UTS2: variants seen among roughly 807,000 people sequenced by gnomAD.
UTS2 encodes urotensin 2, also known as urotensin-2.
UTS2 carries 10 observed loss-of-function variants against 12.6 expected under a neutral mutation model. That is an observed-to-expected ratio of 0.80 (90% CI 0.49 to 1.35). UTS2 has a LOEUF of 1.35. UTS2 is among the 40% of genes most tolerant of loss of function. UTS2 has a pLI of 0.00. For missense variants in UTS2, 142 were observed against 143.2 expected (o/e 0.99, Z 0.04); for synonymous variants, 52 against 50.0 (o/e 1.04, Z -0.17).
chr1:7,869,650 T>C, the UTS2 span, among the ~76,000 whole-genome samples: 1 of 152,206 alleles, frequency 6.6e-6, no homozygotes, highest in Non-Finnish European at 1.5e-5. Flanking sequence ...CAAAGAAGAA[T>C]GGGCTGCCAA....
At chr1:7,912,451 CT>C in the UTS2 span, among the ~76,000 whole-genome samples, 1 of 121,426 alleles carries the variant, frequency 8.2e-6, no homozygotes, top group African/African-American at 2.7e-5. Flanking sequence ...GCAAATCCCC[CT>C]TTTCTTGTTG....
At chr1:7,911,438 A>G in the UTS2 span, among the ~76,000 whole-genome samples, 21 of 152,146 alleles carry the variant, frequency 1.4e-4, no homozygotes, top group Admixed American at 5.9e-4. Context: ...TTATTCTTTG[A>G]AACAGCCCCA....
At chr1:7,872,321 G>A in the UTS2 span, among the ~76,000 whole-genome samples, 213 of 85,666 alleles carry the variant, frequency 2.5e-3, 1 homozygote, top group Middle Eastern at 6.0e-3. Flanking sequence ...AAAAAAAAAG[G>A]AAAAGAAAAA....
chr1:7,908,314 AAGTT>A, the UTS2 span, among the ~76,000 whole-genome samples: 3 of 147,744 alleles, frequency 2.0e-5, no homozygotes, highest in Admixed American at 7.0e-5. Flanking sequence ...AAAAAAAAAA[AAGTT>A]AGCCAGGTGT....
chr1:7,902,949 G>A, the UTS2 span, among the ~76,000 whole-genome samples: 2 of 151,876 alleles, frequency 1.3e-5, no homozygotes, highest in African/African-American at 4.8e-5. Flanking sequence ...CCCTCTTGTG[G>A]TAGAGCGTTT....
the UTS2 span, among the ~76,000 whole-genome samples, chr1:7,872,319 AGG>A: frequency 6.1e-3 from 726 of 118,354 alleles, 3 homozygotes; most frequent in African/African-American, 0.013. Context: ...AAAAAAAAAA[AGG>A]AAAAGAAAAA....
the UTS2 span, among the ~76,000 whole-genome samples, chr1:7,885,130 T>TCACC: frequency 0.13 from 20,049 of 150,296 alleles, 1,705 homozygotes; most frequent in Non-Finnish European, 0.18. Context: ...CACCCACCTA[T>TCACC]CATCCATCCA....
chr1:7,863,268 C>A, the UTS2 span, among the ~76,000 whole-genome samples: 19 of 152,052 alleles, frequency 1.2e-4, no homozygotes, highest in Admixed American at 9.2e-4. Flanking sequence ...TGCACCACCA[C>A]GCCTGGCTAA....
chr1:7,879,751 C>T, the UTS2 span, among the ~76,000 whole-genome samples: 2 of 151,678 alleles, frequency 1.3e-5, no homozygotes, highest in African/African-American at 4.8e-5. Context: ...ACAACAACAA[C>T]AACAACAAAA....
chr1:7,854,531 AG>A, upstream of UTS2, among the ~76,000 whole-genome samples: 1 of 11,804 alleles, frequency 8.5e-5, no homozygotes, highest in East Asian at 6.4e-3. Context: ...AAAAAAAAGA[AG>A]AAAGAAAAGT....
the UTS2 span, among the ~76,000 whole-genome samples, chr1:7,905,264 C>T: frequency 6.6e-6 from 1 of 151,872 alleles, no homozygotes; most frequent in South Asian, 2.1e-4. Context: ...CTGCCTCAGC[C>T]TCCTGCGAGT....
the UTS2 span, among the ~76,000 whole-genome samples, chr1:7,902,658 C>T: frequency 6.6e-6 from 1 of 152,114 alleles, no homozygotes; most frequent in African/African-American, 2.4e-5. Context: ...AACTCCTGAC[C>T]TCACGTGATC....
At chr1:7,874,516 T>C in the UTS2 span, among the ~76,000 whole-genome samples, 2 of 151,994 alleles carry the variant, frequency 1.3e-5, no homozygotes, top group African/African-American at 4.8e-5. Context: ...TCCCCAGCAA[T>C]CTAGTCTACA....
the UTS2 span, among the ~76,000 whole-genome samples, chr1:7,912,744 A>C: frequency 2.6e-5 from 4 of 151,990 alleles, no homozygotes; most frequent in African/African-American, 7.2e-5. Flanking sequence ...TGGGGCCCCC[A>C]CAGAGTCCAG....
the UTS2 span, among the ~76,000 whole-genome samples, chr1:7,884,365 G>A: frequency 6.8e-6 from 1 of 146,550 alleles, no homozygotes; most frequent in Non-Finnish European, 1.5e-5. Flanking sequence ...GCAGCGGTGT[G>A]ATCATGACTC....
At chr1:7,862,980 A>ATTGTGTTGTGTTGTGTTGTG in the UTS2 span, among the ~76,000 whole-genome samples, 4 of 53,314 alleles carry the variant, frequency 7.5e-5, no homozygotes, top group East Asian at 6.0e-4. Context: ...GCCGTTATTT[A>ATTGTGTTGTGTTGTGTTGTG]TTGTGTTGTG....
chr1:7,886,868 T>C, the UTS2 span, among the ~76,000 whole-genome samples: 18 of 151,630 alleles, frequency 1.2e-4, no homozygotes, highest in African/African-American at 4.1e-4. Context: ...CTGACCAACA[T>C]GGTGAAACCC....
chr1:7,866,449 C>A, the UTS2 span, among the ~76,000 whole-genome samples: 1 of 152,172 alleles, frequency 6.6e-6, no homozygotes, highest in African/African-American at 2.4e-5. This position sits in a 1 kb window ranked among gnomAD's most constrained non-coding sequence, Gnocchi z 4.5. Flanking sequence ...TCCAGGCCCC[C>A]TCTGTGCAAG....
Position 7,847,684 on chromosome 1 carries a change from CTG to C in UTS2, c.*80_*81del, listed in dbSNP as rs2097409111. The C allele has an allele frequency of 8.8e-7, 1 of 1,137,020 alleles. No homozygotes were observed. The highest frequency in any genetic ancestry group is 1.3e-6 in the Non-Finnish European group (1 of 772,082). The allele number at this position is 1,137,020 out of a possible 1,614,324, so 70.4% of individuals were successfully genotyped here. Reference sequence around the variant, plus strand: ...GTAGTTTGCCTAGTTTTTCTCCACACTGTTTTCAAATCAAGCATTGTGTTATT... The same window carrying C: ...GTAGTTTGCCTAGTTTTTCTCCACACTTTTCAAATCAAGCATTGTGTTATT... On this transcript the variant is annotated 3_prime_UTR_variant, in exon 4 of 4. Coordinates refer to ENST00000361696, the MANE Select transcript of UTS2 (RefSeq NM_006786.4).
Sources: allele counts gnomAD v4.1 joint callset (sites outside exome capture counted in the v4.1 genomes callset), GRCh38; gene constraint gnomAD v4.1.1; non-coding constraint Gnocchi (gnomAD v3.1); transcripts MANE v1.5; gene names NCBI Gene and HGNC (gene_info 2026-07-23, HGNC 2026-07-21).